METTL15: variants seen among roughly 807,000 people sequenced by gnomAD.
METTL15 encodes the protein methyltransferase 15, mitochondrial 12S rRNA N4-cytidine.
METTL15 carries 34 observed loss-of-function variants against 38.3 expected under a neutral mutation model. The ratio of observed to expected loss-of-function variants is 0.89; its 90% CI spans 0.68 to 1.18. The LOEUF is 1.18. METTL15 is among the 50% of genes most tolerant of loss of function. The pLI, the probability that METTL15 is intolerant of heterozygous loss-of-function variation, is 0.00. For synonymous variants in METTL15, 162 were observed against 170.9 expected, an observed-to-expected ratio of 0.95 and a Z score of 0.41; for missense variants, 438 against 498.4, an observed-to-expected ratio of 0.88 and a Z score of 1.15.
intron 3 of METTL15, chr11:28,163,942 G>A (rs7950977): frequency 6.6e-6 from 1 of 152,062 alleles, no homozygotes; most frequent in South Asian, 2.1e-4. Flanking sequence ...TTTTTAAAGA[G>A]CCAAGCCAAA....
At chr11:28,385,218 C>T (rs2035395882) in intron 5 of METTL15, among the ~76,000 whole-genome samples, 1 of 152,142 alleles carries the variant, frequency 6.6e-6, no homozygotes, top group Admixed American at 6.5e-5. Context: ...AATCTTTGCT[C>T]ATTCCTGTGT....
At chr11:28,223,442 G>T (rs187911029) in intron 4 of METTL15, among the ~76,000 whole-genome samples, 2 of 152,262 alleles carry the variant, frequency 1.3e-5, no homozygotes, top group African/African-American at 4.8e-5. Context: ...TGGATAGTTG[G>T]TTGAAAGGAT....
intron 5 of METTL15, among the ~76,000 whole-genome samples, chr11:28,402,144 A>AC (rs1850636053): frequency 6.6e-6 from 1 of 151,944 alleles, no homozygotes; most frequent in African/African-American, 2.4e-5. Context: ...AGGGAATGTC[A>AC]CCATTATACA....
chr11:28,189,845 G>GT (rs1317336974), intron 3 of METTL15, among the ~76,000 whole-genome samples: 1 of 151,242 alleles, frequency 6.6e-6, no homozygotes, highest in Non-Finnish European at 1.5e-5. Flanking sequence ...AATGAAGGAA[G>GT]TAAGTTGATC....
At chr11:28,222,495 A>T (rs1187909085) in intron 4 of METTL15, among the ~76,000 whole-genome samples, 1 of 152,118 alleles carries the variant, frequency 6.6e-6, no homozygotes, top group South Asian at 2.1e-4. Flanking sequence ...GACCCCTTGC[A>T]CTTCTGGGGT....
chr11:28,217,351 A>G (rs1009782468), intron 4 of METTL15, among the ~76,000 whole-genome samples: 3 of 152,210 alleles, frequency 2.0e-5, no homozygotes, highest in Non-Finnish European at 4.4e-5. Context: ...TTGGCTGCAT[A>G]AATGTCTTCT....
intron 6 of METTL15, among the ~76,000 whole-genome samples, chr11:28,455,109 A>T (rs928634041): frequency 6.6e-6 from 1 of 151,824 alleles, no homozygotes; most frequent in African/African-American, 2.4e-5. Context: ...TTGGATTTTC[A>T]TCATGCATCA....
intron 3 of METTL15, among the ~76,000 whole-genome samples, chr11:28,197,834 C>T (rs987727734): frequency 1.3e-5 from 2 of 151,894 alleles, no homozygotes; most frequent in African/African-American, 4.8e-5. Flanking sequence ...AAAATCTTAC[C>T]ATCATTTATT....
At position 28,123,870 on chromosome 11, in the gene METTL15, G is replaced by A. The variant is rs774368252; in HGVS notation, c.270+10266G>A. On this transcript the variant is annotated intron_variant, in intron 3 of 6. Coordinates refer to ENST00000407364, the MANE Select transcript of METTL15 (RefSeq NM_001113528.2). ...TTTTTCTTTCTGGCAAGCAAAAGAA[G>A]TAAACTGTGGATATTTAATATATTC... is the stretch of plus-strand genomic sequence containing the variant. The A allele has an allele frequency of 1.7e-5, 25 of 1,478,822 alleles. No homozygotes were observed. The South Asian group carries it at 3.4e-4, about 20-fold the overall frequency. The allele number at this position is 1,478,822 out of a possible 1,614,324, so 91.6% of individuals were successfully genotyped here. A position where few individuals can be genotyped will look rare whatever the true frequency, so the allele number is the denominator to read the frequency against.
chr11:28,362,637 C>CAGCTTTATCCATATTGCACAATGGTCTCT (rs1205465019), intron 5 of METTL15, among the ~76,000 whole-genome samples: 2 of 152,222 alleles, frequency 1.3e-5, no homozygotes, highest in African/African-American at 4.8e-5. Context: ...GAATGGTCTT[C>CAGCTTTATCCATATTGCACAATGGTCTCT]AGCTTTATCC....
intron 3 of METTL15, among the ~76,000 whole-genome samples, chr11:28,180,467 C>G (rs1038198156): frequency 9.2e-5 from 14 of 151,600 alleles, no homozygotes; most frequent in African/African-American, 3.4e-4. Flanking sequence ...CTTTTCCTTC[C>G]CTTTTGACTT....
chr11:28,220,708 C>T (rs1270086185), intron 4 of METTL15, among the ~76,000 whole-genome samples: 6 of 152,064 alleles, frequency 3.9e-5, no homozygotes, highest in African/African-American at 1.4e-4. Context: ...ACCGGTTGTT[C>T]GTTTCCATGT....
chr11:28,510,576 G>A (rs1293451690), intron 6 of METTL15, among the ~76,000 whole-genome samples: 1 of 152,096 alleles, frequency 6.6e-6, no homozygotes, highest in African/African-American at 2.4e-5. Context: ...TGAATGCTAT[G>A]TGTCAGACAT....
chr11:28,144,561 AT>A (rs1374579405), intron 3 of METTL15, among the ~76,000 whole-genome samples: 3 of 151,516 alleles, frequency 2.0e-5, no homozygotes, highest in Admixed American at 6.6e-5. Context: ...GACTAATAGG[AT>A]TTTTTTTTCA....
At chr11:28,254,177 T>C (rs772039535) in intron 4 of METTL15, among the ~76,000 whole-genome samples, 5 of 152,184 alleles carry the variant, frequency 3.3e-5, no homozygotes, top group Non-Finnish European at 5.9e-5. Flanking sequence ...CCATTTCAAC[T>C]GGAGTGAGAT....
intron 4 of METTL15, among the ~76,000 whole-genome samples, chr11:28,268,759 T>G (rs1312694679): frequency 6.6e-6 from 1 of 152,234 alleles, no homozygotes; most frequent in Non-Finnish European, 1.5e-5. Context: ...GTAGACTTTC[T>G]TATTGTCCCA....
chr11:28,382,835 CAA>C (rs766333019), intron 5 of METTL15, among the ~76,000 whole-genome samples: 7 of 129,564 alleles, frequency 5.4e-5, no homozygotes, highest in Admixed American at 2.4e-4. Flanking sequence ...AACTCCGTCT[CAA>C]AAAAAAAAAA....
At chr11:28,170,654 G>A (rs1025457675) in intron 3 of METTL15, among the ~76,000 whole-genome samples, 29 of 152,120 alleles carry the variant, frequency 1.9e-4, no homozygotes, top group African/African-American at 7.0e-4. Context: ...ACCATATAGG[G>A]TAACTTCCTG....
intron 5 of METTL15, among the ~76,000 whole-genome samples, chr11:28,367,508 A>G (rs1012599623): frequency 1.3e-5 from 2 of 152,160 alleles, no homozygotes; most frequent in African/African-American, 4.8e-5. Context: ...AAATGGAAAA[A>G]CATTCCATGC....
Sources: allele counts gnomAD v4.1 joint callset (sites outside exome capture counted in the v4.1 genomes callset), GRCh38; gene constraint gnomAD v4.1.1; transcripts MANE v1.5; gene names NCBI Gene and HGNC (gene_info 2026-07-23, HGNC 2026-07-21).